The following ZDHHC21 variants were observed in gnomAD, a reference collection of about 807,000 sequenced individuals.
ZDHHC21 encodes the protein zDHHC palmitoyltransferase 21.
A neutral mutation model predicts 34.6 loss-of-function variants in ZDHHC21; 15 were observed. The observed-to-expected ratio is 0.43, with a 90% CI of 0.29 to 0.67. The LOEUF is 0.67. Among genes scored for constraint, ZDHHC21 ranks in the 30% least tolerant of loss-of-function variants. The pLI is 0.14. For synonymous variants in ZDHHC21, 142 were observed against 101.8 expected (o/e 1.40, Z -2.38); for missense variants, 344 against 327.7 (o/e 1.05, Z -0.38).
At chr9:14,662,048 T>C (rs921220081) in intron 6 of ZDHHC21, among the ~76,000 whole-genome samples, 167 bp downstream of exon 6, 4 of 152,204 alleles carry the variant, frequency 2.6e-5, no homozygotes, top group Non-Finnish European at 4.4e-5. Context: ...TGTGGAAAAA[T>C]GACTTTGGGA....
At chr9:14,663,988 T>G (rs1833885537) in intron 5 of ZDHHC21, among the ~76,000 whole-genome samples, 1 of 152,100 alleles carries the variant, frequency 6.6e-6, no homozygotes, top group African/African-American at 2.4e-5. Flanking sequence ...GTTAAAACTT[T>G]GAATTCGGGG....
At chr9:14,639,535 A>C (rs943309527) in intron 8 of ZDHHC21, among the ~76,000 whole-genome samples, 1 of 152,052 alleles carries the variant, frequency 6.6e-6, no homozygotes, top group South Asian at 2.1e-4. Flanking sequence ...AATGATAAAT[A>C]CTCAAGGTGA....
At position 14,614,688 on chromosome 9, in the gene ZDHHC21, C is replaced by A. The variant is rs1001045867; in HGVS notation, c.*4278G>T. On this transcript the variant is annotated 3_prime_UTR_variant, in exon 10 of 10. Coordinates refer to ENST00000380916, the MANE Select transcript of ZDHHC21 (RefSeq NM_178566.6). ...GTTAACAAACTTGGGCATTAAATAA[C>A]ACATTCATTAATCATACAGTTAATA... 9 of 151,706 alleles carry A rather than the reference C, an allele frequency of 5.9e-5. No individual in the cohort carries two copies. The highest frequency in any genetic ancestry group is 2.2e-4 in the African/African-American group (9 of 41,414). 9.4% of individuals were successfully genotyped at this position (151,706 alleles called of 1,614,324 possible).
chr9:14,635,475 T>G (rs1024012088), intron 8 of ZDHHC21, among the ~76,000 whole-genome samples: 5 of 152,220 alleles, frequency 3.3e-5, no homozygotes, highest in African/African-American at 1.2e-4. Flanking sequence ...TGCATCAGAC[T>G]AACAGTGTAT....
At chr9:14,593,315 A>G in the ZDHHC21 span, among the ~76,000 whole-genome samples, 1 of 152,222 alleles carries the variant, frequency 6.6e-6, no homozygotes, top group African/African-American at 2.4e-5. Context: ...AGAGGACATC[A>G]CTACTGACAC....
At chr9:14,602,441 C>T in the ZDHHC21 span, among the ~76,000 whole-genome samples, 2 of 151,762 alleles carry the variant, frequency 1.3e-5, no homozygotes, top group Non-Finnish European at 2.9e-5. Context: ...AAAAACTTCC[C>T]AAGTCTTGCC....
chr9:14,651,683 AG>A (rs1304290802), intron 7 of ZDHHC21, among the ~76,000 whole-genome samples: 2 of 152,010 alleles, frequency 1.3e-5, no homozygotes, highest in Non-Finnish European at 2.9e-5. Flanking sequence ...CTTTAAATAC[AG>A]TGGTACTTTC....
Position 14,672,867 on chromosome 9 carries a change from TG to T in ZDHHC21, c.215del (p.Pro72GlnfsTer26). ...VALVRASITD[P>X]GRLPENPKIP... Reference sequence around the variant, plus strand: ...TCTTGGGGTTCTCAGGGAGTCTTCCTGGATCAGTTATGGAGGCCCTCACTAA... The same window carrying T: ...TCTTGGGGTTCTCAGGGAGTCTTCCTGATCAGTTATGGAGGCCCTCACTAA... On this transcript the variant is annotated frameshift_variant, in exon 5 of 10. Transcript: ENST00000380916. LOFTEE classifies it high-confidence loss of function. The T allele has an allele frequency of 6.2e-7, 1 of 1,609,428 alleles. No homozygotes were observed. Among genetic ancestry groups the T allele is most frequent in the Non-Finnish European group, 8.5e-7 (1 of 1,176,960 alleles).
chr9:14,663,946 C>G (rs920694498), intron 5 of ZDHHC21, among the ~76,000 whole-genome samples: 1 of 152,182 alleles, frequency 6.6e-6, no homozygotes, highest in African/African-American at 2.4e-5. Context: ...TTCCACTCCC[C>G]TACTTAGCTC....
intron 2 of ZDHHC21, among the ~76,000 whole-genome samples, chr9:14,689,388 A>G (rs770685178): frequency 1.2e-4 from 18 of 152,230 alleles, no homozygotes; most frequent in Non-Finnish European, 2.5e-4. Context: ...ATTCTGAATC[A>G]ATTGCTGAGT....
chr9:14,605,159 T>C, the ZDHHC21 span, among the ~76,000 whole-genome samples: 1 of 152,098 alleles, frequency 6.6e-6, no homozygotes, highest in African/African-American at 2.4e-5. Context: ...GAATACTGCA[T>C]TAATGAAATG....
At chr9:14,592,638 A>G in the ZDHHC21 span, among the ~76,000 whole-genome samples, 1 of 152,182 alleles carries the variant, frequency 6.6e-6, no homozygotes, top group African/African-American at 2.4e-5. Flanking sequence ...AGGATATAAA[A>G]GACTTCAACA....
At chr9:14,681,318 C>G (rs1564393175) in intron 2 of ZDHHC21, among the ~76,000 whole-genome samples, 2 of 152,160 alleles carry the variant, frequency 1.3e-5, no homozygotes, top group Non-Finnish European at 1.5e-5. Context: ...ACACTGGGCT[C>G]AAGCAATCCT....
rs544348720 is a variant in ZDHHC21 at position 14,618,034 on chromosome 9, T to A, written c.*932A>T. 2 of 152,606 alleles carry A rather than the reference T, an allele frequency of 1.3e-5. No individual in the cohort carries two copies. Among genetic ancestry groups the A allele is most frequent in the East Asian group, 1.9e-4 (1 of 5,164 alleles). 9.5% of individuals were successfully genotyped at this position (152,606 alleles called of 1,614,324 possible). A position where few individuals can be genotyped will look rare whatever the true frequency, so the allele number is the denominator to read the frequency against. ...GTATACTCTTTTCAAAAGCACAATATTCCTCTTTATACTGTACATTATATA... is the reference window on the plus strand; with the variant it reads ...GTATACTCTTTTCAAAAGCACAATAATCCTCTTTATACTGTACATTATATA... On this transcript the variant is annotated 3_prime_UTR_variant, in exon 10 of 10. Transcript: ENST00000380916.
the ZDHHC21 span, among the ~76,000 whole-genome samples, chr9:14,602,847 C>T: frequency 0.012 from 1,833 of 147,266 alleles, 43 homozygotes; most frequent in African/African-American, 0.044. Context: ...TGCTTGAGCC[C>T]AGGTGTTCGA....
chr9:14,674,511 T>C (rs113938048), intron 3 of ZDHHC21, 126 bp from the exon 4 acceptor site: 35 of 528,744 alleles, frequency 6.6e-5, no homozygotes, highest in Admixed American at 3.7e-4. Flanking sequence ...CTTTCTGTAG[T>C]TGATATATTT....
chr9:14,688,758 A>T (rs773079765), intron 2 of ZDHHC21, among the ~76,000 whole-genome samples: 1 of 152,226 alleles, frequency 6.6e-6, no homozygotes, highest in Non-Finnish European at 1.5e-5. Context: ...GCTACTCGGG[A>T]GGCTGAGACA....
chr9:14,605,745 C>A, the ZDHHC21 span, among the ~76,000 whole-genome samples: 2 of 152,140 alleles, frequency 1.3e-5, no homozygotes, highest in African/African-American at 4.8e-5. Flanking sequence ...GGTGTTATCT[C>A]CAAGAAGTCA....
At chr9:14,597,601 G>A in the ZDHHC21 span, among the ~76,000 whole-genome samples, 1 of 152,142 alleles carries the variant, frequency 6.6e-6, no homozygotes, top group African/African-American at 2.4e-5. Context: ...CCTGAGGACA[G>A]GTCTGCCCCA....
Sources: allele counts gnomAD v4.1 joint callset (sites outside exome capture counted in the v4.1 genomes callset), GRCh38; gene constraint gnomAD v4.1.1; transcripts MANE v1.5; gene names NCBI Gene and HGNC (gene_info 2026-07-23, HGNC 2026-07-21).